Variants in B3GALT1 observed in about 807,000 individuals in gnomAD.
The protein encoded by B3GALT1 is UDP-Gal:betaGlcNAc beta 1,3-galactosyltransferase, polypeptide 1.
B3GALT1 carries 10 observed loss-of-function variants against 23.2 expected under a neutral mutation model. The ratio of observed to expected loss-of-function variants is 0.43; its 90% CI spans 0.27 to 0.73. B3GALT1 has a LOEUF of 0.73. B3GALT1 is among the 30% of genes least tolerant of loss of function. The probability of loss-of-function intolerance (pLI) is 0.21; values close to 1 mark genes in which losing one functional copy is unlikely to be tolerated. For missense variants in B3GALT1, 299 were observed against 405.4 expected (o/e 0.74, Z 2.25); for synonymous variants, 156 against 141.5 (o/e 1.10, Z -0.73).
chr2:167,731,616 G>T (rs1687411546), intron 3 of B3GALT1, among the ~76,000 whole-genome samples: 1 of 152,124 alleles, frequency 6.6e-6, no homozygotes. Flanking sequence ...CAAAATGCTG[G>T]AATTCATTTG....
chr2:167,423,213 A>G (rs1288561980), intron 1 of B3GALT1, among the ~76,000 whole-genome samples: 2 of 152,170 alleles, frequency 1.3e-5, no homozygotes, highest in Non-Finnish European at 2.9e-5. Context: ...AGGCTAGAGG[A>G]ACCAGAGAGT....
At chr2:167,382,165 A>G (rs1697855382) in intron 1 of B3GALT1, among the ~76,000 whole-genome samples, 1 of 152,194 alleles carries the variant, frequency 6.6e-6, no homozygotes, top group Non-Finnish European at 1.5e-5. Flanking sequence ...CATTTATATA[A>G]TGTCCGTGAT....
chr2:167,721,474 G>T (rs1574230603), intron 3 of B3GALT1, among the ~76,000 whole-genome samples: 1 of 152,076 alleles, frequency 6.6e-6, no homozygotes, highest in East Asian at 1.9e-4. Context: ...TTTCCCATCA[G>T]AAAATGCCAG....
chr2:167,679,317 C>T (rs1686487122), intron 3 of B3GALT1, among the ~76,000 whole-genome samples: 2 of 151,916 alleles, frequency 1.3e-5, no homozygotes, highest in South Asian at 4.2e-4. Flanking sequence ...CAGGGTTTCT[C>T]CATGTTGGTC....
At chr2:167,804,717 A>G (rs1052509414) in intron 3 of B3GALT1, among the ~76,000 whole-genome samples, 3 of 152,284 alleles carry the variant, frequency 2.0e-5, no homozygotes, top group South Asian at 2.1e-4. Context: ...TTCTTAATCC[A>G]GTCTATCATT....
At chr2:167,669,002 C>G (rs1167489213) in intron 3 of B3GALT1, among the ~76,000 whole-genome samples, 2 of 152,182 alleles carry the variant, frequency 1.3e-5, no homozygotes, top group African/African-American at 2.4e-5. Flanking sequence ...GAGGCCTCCT[C>G]TGCCTTCTTT....
At chr2:167,351,436 A>G (rs180685439) in intron 1 of B3GALT1, among the ~76,000 whole-genome samples, 33 of 152,328 alleles carry the variant, frequency 2.2e-4, no homozygotes, top group African/African-American at 7.5e-4. Context: ...GAAATAAAGT[A>G]TACCTCCTGA....
At chr2:167,767,972 G>T (rs1335732305) in intron 3 of B3GALT1, among the ~76,000 whole-genome samples, 1 of 151,500 alleles carries the variant, frequency 6.6e-6, no homozygotes, top group East Asian at 2.0e-4. Flanking sequence ...GTCTGAGTCT[G>T]AAAGCCTGAA....
At chr2:167,587,431 T>C (rs1326704660) in intron 2 of B3GALT1, among the ~76,000 whole-genome samples, 3 of 152,240 alleles carry the variant, frequency 2.0e-5, no homozygotes, top group Non-Finnish European at 4.4e-5. Context: ...CTTATTATTA[T>C]ACTCATTTTA....
At chr2:167,352,735 ACAAAC>A (rs1697337091) in intron 1 of B3GALT1, among the ~76,000 whole-genome samples, 1 of 6,126 alleles carries the variant, frequency 1.6e-4, no homozygotes, top group Admixed American at 4.8e-3. Context: ...AGAAAAAAAA[ACAAAC>A]AAACTGTACC....
At chr2:167,570,589 C>G (rs996967425) in intron 2 of B3GALT1, among the ~76,000 whole-genome samples, 1 of 151,900 alleles carries the variant, frequency 6.6e-6, no homozygotes, top group African/African-American at 2.4e-5. Context: ...AGCTATTAAT[C>G]ATTATTTTGA....
intron 1 of B3GALT1, among the ~76,000 whole-genome samples, chr2:167,389,187 A>C (rs1697977829): frequency 6.6e-6 from 1 of 152,180 alleles, no homozygotes; most frequent in African/African-American, 2.4e-5. Context: ...TGGTGAAGCC[A>C]AGGCTTAGAT....
intron 2 of B3GALT1, among the ~76,000 whole-genome samples, chr2:167,523,928 A>G (rs1018248423): frequency 1.3e-5 from 2 of 152,166 alleles, no homozygotes; most frequent in South Asian, 2.1e-4. Context: ...ATCAGTTAGT[A>G]TTGCTGGATA....
Position 167,812,213 on chromosome 2 carries a change from A to G in B3GALT1, c.-351-6459A>G, listed in dbSNP as rs1201881404. ...GAGCTTACAAGGCATAGTTTCCTAT[A>G]ACATTGTTTGCAAGATATGCTGAGC... On this transcript the variant is annotated intron_variant, in intron 3 of 4. Coordinates refer to ENST00000392690, the MANE Select transcript of B3GALT1 (RefSeq NM_020981.4). Among the ~76,000 whole-genome samples, 6 of 152,382 alleles carry G rather than the reference A, an allele frequency of 3.9e-5. No homozygotes were observed. In the South Asian group the frequency reaches 1.2e-3, roughly 32 times the overall value.
At chr2:167,410,295 A>C (rs116066069) in intron 1 of B3GALT1, among the ~76,000 whole-genome samples, 4,579 of 152,020 alleles carry the variant, frequency 0.03, 102 homozygotes, top group Middle Eastern at 0.058. Flanking sequence ...CGAGGTCAAG[A>C]GATCAAGACC....
intron 3 of B3GALT1, among the ~76,000 whole-genome samples, chr2:167,809,970 A>G (rs957796519): frequency 2.6e-5 from 4 of 152,334 alleles, no homozygotes; most frequent in Admixed American, 6.5e-5. Context: ...TACCTACTCA[A>G]GTCTCAGCAA....
At chr2:167,667,341 C>T (rs1363489524) in intron 3 of B3GALT1, among the ~76,000 whole-genome samples, 1 of 152,156 alleles carries the variant, frequency 6.6e-6, no homozygotes, top group East Asian at 1.9e-4. Flanking sequence ...GAGGGGCTTC[C>T]CTTTGAGGGT....
chr2:167,494,093 AG>A (rs559683939), intron 2 of B3GALT1, among the ~76,000 whole-genome samples: 39 of 152,268 alleles, frequency 2.6e-4, no homozygotes, highest in Non-Finnish European at 4.3e-4. Flanking sequence ...GGCCCATTAT[AG>A]TTGTATATAT....
chr2:167,510,410 T>G (rs902978388), intron 2 of B3GALT1, among the ~76,000 whole-genome samples: 9 of 144,498 alleles, frequency 6.2e-5, no homozygotes, highest in South Asian at 2.2e-4. Context: ...AAGTTTTGTT[T>G]TTTTTTTTTT....
Sources: allele counts gnomAD v4.1 joint callset (sites outside exome capture counted in the v4.1 genomes callset), GRCh38; gene constraint gnomAD v4.1.1; transcripts MANE v1.5; gene names NCBI Gene and HGNC (gene_info 2026-07-23, HGNC 2026-07-21).